The following CTNNA3 variants were observed in gnomAD, a reference collection of about 807,000 sequenced individuals.
CTNNA3 encodes catenin alpha 3.
Under a neutral mutation model 95.7 loss-of-function variants are expected in CTNNA3, and 76 were observed. The observed-to-expected ratio is 0.79, with a 90% CI of 0.66 to 0.96. The LOEUF is 0.96. Ranked by LOEUF, CTNNA3 falls within the 40% of genes least tolerant of loss-of-function variation. CTNNA3 has a pLI of 0.00. For missense variants in CTNNA3, 1,191 were observed against 1,089.8 expected (o/e 1.09, Z -1.31); for synonymous variants, 431 against 374.4 (o/e 1.15, Z -1.74).
At chr10:66,760,815 C>T (rs891681889) in intron 9 of CTNNA3, among the ~76,000 whole-genome samples, 12 of 152,176 alleles carry the variant, frequency 7.9e-5, no homozygotes, top group African/African-American at 2.9e-4. Flanking sequence ...CAGTTTATAA[C>T]CAAGGGAGTG....
chr10:66,377,394 C>A (rs1403003395), intron 12 of CTNNA3, among the ~76,000 whole-genome samples: 1 of 151,906 alleles, frequency 6.6e-6, no homozygotes, highest in African/African-American at 2.4e-5. Flanking sequence ...TATGGATTAG[C>A]TATCTAGAAA....
chr10:67,484,506 C>G (rs898454006), intron 5 of CTNNA3, among the ~76,000 whole-genome samples: 3 of 152,050 alleles, frequency 2.0e-5, no homozygotes, highest in Non-Finnish European at 4.4e-5. Context: ...ATCAACAGAG[C>G]AGACAGACAA....
intron 7 of CTNNA3, among the ~76,000 whole-genome samples, chr10:66,935,985 C>T (rs1188257164): frequency 1.3e-5 from 2 of 152,102 alleles, no homozygotes; most frequent in Non-Finnish European, 2.9e-5. Flanking sequence ...ACCATTAGAA[C>T]ATCCCTCTGC....
intron 14 of CTNNA3, among the ~76,000 whole-genome samples, chr10:66,071,793 T>C (rs1423674072): frequency 6.6e-6 from 1 of 152,198 alleles, no homozygotes; most frequent in African/African-American, 2.4e-5. Context: ...AAAGTGATGT[T>C]AACTGTCAAC....
chr10:66,385,866 A>T (rs562640570), intron 11 of CTNNA3, among the ~76,000 whole-genome samples: 1 of 152,332 alleles, frequency 6.6e-6, no homozygotes, highest in East Asian at 1.9e-4. Flanking sequence ...ATAGATGCAG[A>T]AAAGGCCTTT....
intron 7 of CTNNA3, among the ~76,000 whole-genome samples, chr10:66,987,435 G>A (rs1850793026): frequency 6.6e-6 from 1 of 152,118 alleles, no homozygotes; most frequent in Non-Finnish European, 1.5e-5. Context: ...AATCAGAAAG[G>A]AGTCAAAAAA....
chr10:67,719,225 T>C (rs1841163415), intron 1 of CTNNA3, among the ~76,000 whole-genome samples: 1 of 152,110 alleles, frequency 6.6e-6, no homozygotes, highest in Admixed American at 6.5e-5. Context: ...TAGTGGTCTA[T>C]TTTGTTAATC....
At chr10:65,960,533 A>C (rs58599056) in intron 17 of CTNNA3, among the ~76,000 whole-genome samples, 2,439 of 151,996 alleles carry the variant, frequency 0.016, 70 homozygotes, top group African/African-American at 0.054. Context: ...TCAACAACAA[A>C]AAAAAAGATT....
At chr10:67,170,321 G>A (rs1050799772) in intron 7 of CTNNA3, among the ~76,000 whole-genome samples, 22 of 152,026 alleles carry the variant, frequency 1.4e-4, no homozygotes, top group African/African-American at 4.1e-4. Flanking sequence ...ACATGTACAC[G>A]AATGTTCATT....
intron 7 of CTNNA3, among the ~76,000 whole-genome samples, chr10:67,103,858 G>A (rs901098779): frequency 2.6e-5 from 4 of 151,566 alleles, no homozygotes; most frequent in African/African-American, 9.7e-5. Flanking sequence ...CTTACACTGT[G>A]TAGAGACTTC....
intron 11 of CTNNA3, among the ~76,000 whole-genome samples, chr10:66,443,154 C>T (rs955834389): frequency 7.2e-5 from 11 of 152,096 alleles, no homozygotes; most frequent in South Asian, 4.1e-4. Context: ...AACAAAGCAG[C>T]GGGGAAGCTC....
chr10:66,098,628 A>G (rs186477189), intron 14 of CTNNA3: 17 of 152,232 alleles, frequency 1.1e-4, no homozygotes, highest in African/African-American at 3.9e-4. Context: ...TTCTCTTTTA[A>G]AAGGTGTATT....
At chr10:66,754,553 A>C (rs1839288971) in intron 9 of CTNNA3, among the ~76,000 whole-genome samples, 1 of 152,202 alleles carries the variant, frequency 6.6e-6, no homozygotes, top group Non-Finnish European at 1.5e-5. Flanking sequence ...TGCTTCAGAG[A>C]ATACCATCAA....
chr10:66,291,659 G>C (rs2091682394), intron 12 of CTNNA3, among the ~76,000 whole-genome samples: 1 of 151,910 alleles, frequency 6.6e-6, no homozygotes, highest in African/African-American at 2.4e-5. Context: ...TGTAATAGTT[G>C]TTATTGTTTG....
exon 1 of CTNNA3, among the ~76,000 whole-genome samples, chr10:67,763,444 G>T (rs1841473086): frequency 6.6e-6 from 1 of 152,222 alleles, no homozygotes; most frequent in Non-Finnish European, 1.5e-5. Context: ...CTTATCAAGT[G>T]GAGTCACAAC....
At chr10:67,534,588 T>C (rs1372659621) in intron 4 of CTNNA3, among the ~76,000 whole-genome samples, 1 of 152,164 alleles carries the variant, frequency 6.6e-6, no homozygotes, top group Non-Finnish European at 1.5e-5. Flanking sequence ...TAGATATCCC[T>C]CCCTTCCGTC....
rs1301059583 is a variant in CTNNA3 at position 66,724,013 on chromosome 10, T to C, written c.1281+42251A>G. Among the ~76,000 whole-genome samples the C allele has an allele frequency of 2.0e-5, 3 of 152,282 alleles. 1 individual carries two copies. Among genetic ancestry groups the C allele is most frequent in the African/African-American group, 4.8e-5 (2 of 41,568 alleles). On this transcript the variant is annotated intron_variant, in intron 9 of 17. Coordinates refer to ENST00000433211, the MANE Select transcript of CTNNA3 (RefSeq NM_013266.4). ...AGGCCTGAACAGAGGAAGTGGAATG[T>C]AATTAATCGATGTAAATCTGCTTCA...
intron 5 of CTNNA3, among the ~76,000 whole-genome samples, chr10:67,465,440 C>T (rs993904452): frequency 5.9e-5 from 9 of 151,996 alleles, no homozygotes; most frequent in Non-Finnish European, 1.2e-4. Context: ...GAGAGGAAAA[C>T]GATGAGGCTA....
intron 3 of CTNNA3, among the ~76,000 whole-genome samples, chr10:67,575,342 G>GTAAACTCGGCTATCA (rs11271551): frequency 6.6e-6 from 1 of 151,684 alleles, no homozygotes; most frequent in African/African-American, 2.4e-5. Context: ...TCAATTGTGT[G>GTAAACTCGGCTATCA]TTTTGAGACA....
Sources: gnomAD v4.1 joint callset for allele counts (sites outside exome capture counted in the v4.1 genomes callset) on GRCh38, gnomAD v4.1.1 for gene constraint, MANE v1.5 for transcripts, NCBI Gene and HGNC (gene_info 2026-07-23, HGNC 2026-07-21) for gene names.